The following HEPH variants were observed in gnomAD, a reference collection of about 807,000 sequenced individuals.
HEPH encodes the protein hephaestin.
A neutral mutation model predicts 80.8 loss-of-function variants in HEPH; 69 were observed. The observed-to-expected ratio is 0.85, with a 90% confidence interval of 0.70 to 1.04. The LOEUF is 1.04. HEPH is among the 50% of genes least tolerant of loss of function. The pLI is 0.00. For synonymous variants in HEPH, 431 were observed against 322.8 expected (o/e 1.34, Z -3.60); for missense variants, 1,115 against 891.3 (o/e 1.25, Z -3.20).
chrX:66,169,102 T>C (rs929304868), intron 1 of HEPH, among the ~76,000 whole-genome samples: 7 of 111,363 alleles, frequency 6.3e-5, no homozygotes, highest in Non-Finnish European at 9.4e-5. Flanking sequence ...TACCGATTTT[T>C]ATCTAGATGG....
At chrX:66,224,143 T>A (rs1030320504) in intron 15 of HEPH, among the ~76,000 whole-genome samples, 57 of 109,741 alleles carry the variant, frequency 5.2e-4, no homozygotes, top group African/African-American at 1.9e-3. Flanking sequence ...TTCTTTTATG[T>A]CTGTGGACTA....
intron 15 of HEPH, among the ~76,000 whole-genome samples, chrX:66,224,957 T>C (rs777707613): frequency 6.4e-5 from 7 of 109,596 alleles, no homozygotes; most frequent in Non-Finnish European, 1.1e-4. Context: ...TGATCTTTCC[T>C]TACCTCTGCC....
intron 15 of HEPH, among the ~76,000 whole-genome samples, chrX:66,239,506 T>C (rs1264646527): frequency 8.9e-6 from 1 of 112,222 alleles, no homozygotes; most frequent in Non-Finnish European, 1.9e-5. Context: ...TTCTTGTTCA[T>C]AAATGGAACA....
intron 15 of HEPH, among the ~76,000 whole-genome samples, chrX:66,248,551 G>C (rs918065686): frequency 2.7e-5 from 3 of 112,269 alleles, no homozygotes; most frequent in Non-Finnish European, 5.6e-5. Context: ...GCTTCTTTTA[G>C]TGAAAAGGTG....
chrX:66,256,399 C>A, intron 17 of HEPH, 69 bp downstream of exon 17: 2 of 730,216 alleles, frequency 2.7e-6, no homozygotes, highest in Non-Finnish European at 4.1e-6. Context: ...ATTTAATAGG[C>A]CTATTGCTAC....
At position 66,183,583 on chromosome X, in the gene HEPH, C is replaced by A. The variant is rs1363674600; in HGVS notation, c.626-4776C>A. 7.5e-5 allele frequency among the ~76,000 whole-genome samples: 3 copies of A among 39,925 alleles called. No homozygotes were observed. In the East Asian group the frequency reaches 1.8e-3, roughly 24 times the overall value. 34.7% of individuals were successfully genotyped at this position (39,925 alleles called of 115,157 possible). ...CATTTTTTATTGTGTCTATTTGATTCTTCTCTCTTTTTTTCTTTATTAGTC... is the reference window on the plus strand; with the variant it reads ...CATTTTTTATTGTGTCTATTTGATTATTCTCTCTTTTTTTCTTTATTAGTC... On this transcript the variant is annotated intron_variant, in intron 4 of 20. Coordinates refer to ENST00000343002, the MANE Select transcript of HEPH (RefSeq NM_001367233.3).
intron 4 of HEPH, among the ~76,000 whole-genome samples, chrX:66,181,920 C>G (rs1324659199): frequency 5.5e-5 from 6 of 109,622 alleles, no homozygotes; most frequent in African/African-American, 1.7e-4. Flanking sequence ...CTACATATGG[C>G]TAGCCAGTTT....
rs1036708665 is a variant in HEPH, at chrX:66,227,909, AT to A, written c.2563+19671del. ...TTTTTGGTTCCATATGAATTTTAGGATTTTTTTTCTAGTTCTATGAAGAATA... is the reference window on the plus strand; with the variant it reads ...TTTTTGGTTCCATATGAATTTTAGGATTTTTTTCTAGTTCTATGAAGAATA... On this transcript the variant is annotated intron_variant, in intron 15 of 20. Coordinates refer to ENST00000343002, the MANE Select transcript of HEPH (RefSeq NM_001367233.3). Among the ~76,000 whole-genome samples, 36 of 110,276 alleles carry A rather than the reference AT, an allele frequency of 3.3e-4. 1 individual carries two copies. In the South Asian group the frequency reaches 3.5e-3, roughly 11 times the overall value.
At chrX:66,208,365 TC>T in intron 15 of HEPH, 119 bp downstream of exon 15, 1 of 737,782 alleles carries the variant, frequency 1.4e-6, no homozygotes, top group Non-Finnish European at 1.9e-6. Context: ...ATTCCTGTAA[TC>T]CCAGCAGTTT....
At chrX:66,200,817 A>C (rs1280707077) in intron 12 of HEPH, 65 bp downstream of exon 12, 2 of 884,609 alleles carry the variant, frequency 2.3e-6, no homozygotes, top group Non-Finnish European at 3.2e-6. Flanking sequence ...GGGGTCGGGA[A>C]GAGGGAGGGA....
At chrX:66,247,801 G>GT (rs1178985723) in intron 15 of HEPH, among the ~76,000 whole-genome samples, 5 of 111,531 alleles carry the variant, frequency 4.5e-5, no homozygotes, top group Non-Finnish European at 9.4e-5. Flanking sequence ...ACTAAGGAAG[G>GT]TTTTTTAAAT....
intron 20 of HEPH, among the ~76,000 whole-genome samples, chrX:66,264,893 C>T (rs1348538867): frequency 2.9e-5 from 3 of 104,393 alleles, no homozygotes; most frequent in Non-Finnish European, 5.9e-5. Flanking sequence ...TTCACACATA[C>T]TTTGTGTGTA....
chrX:66,216,195 A>T (rs1222005985), intron 15 of HEPH, among the ~76,000 whole-genome samples: 1 of 111,174 alleles, frequency 9.0e-6, no homozygotes, highest in Non-Finnish European at 1.9e-5. Context: ...TCCAAAGGCG[A>T]CCCTATGAGA....
chrX:66,179,210 C>T lies in HEPH; in HGVS notation c.625+5409C>T, dbSNP rs759239655. Among the ~76,000 whole-genome samples the T allele has an allele frequency of 7.7e-4, 86 of 112,041 alleles. 2 individuals carry two copies. The highest frequency in any genetic ancestry group is 2.6e-3 in the African/African-American group (80 of 30,843). On this transcript the variant is annotated intron_variant, in intron 4 of 20. Transcript: ENST00000343002. ...CCATTTATTAAACAGGGAATCCTTTCGCCATTTCTTGTTTTTGTCAGGTTT... is the reference window on the plus strand; with the variant it reads ...CCATTTATTAAACAGGGAATCCTTTTGCCATTTCTTGTTTTTGTCAGGTTT...
chrX:66,249,444 G>A (rs762287485), intron 15 of HEPH, among the ~76,000 whole-genome samples: 14 of 111,756 alleles, frequency 1.3e-4, no homozygotes, highest in African/African-American at 2.9e-4. Context: ...GTTGTTGAGA[G>A]TGAGAAGGTA....
chrX:66,265,008 T>C (rs1396156638), intron 20 of HEPH, among the ~76,000 whole-genome samples: 1 of 110,078 alleles, frequency 9.1e-6, no homozygotes, highest in African/African-American at 3.3e-5. Context: ...TTGAAACTGT[T>C]GTTCTAATAA....
chrX:66,200,846 A>G, intron 12 of HEPH, 94 bp downstream of exon 12: 1 of 642,702 alleles, frequency 1.6e-6, no homozygotes, highest in South Asian at 2.9e-5. Flanking sequence ...AGAAAATAAT[A>G]GGCATGTTAA....
At chrX:66,202,186 G>A (rs763307072) in intron 12 of HEPH, among the ~76,000 whole-genome samples, 5 of 111,364 alleles carry the variant, frequency 4.5e-5, no homozygotes, top group Non-Finnish European at 9.4e-5. Context: ...GGGGTGGGCA[G>A]GTAAGTTCCA....
downstream of HEPH, chrX:66,268,842 C>T (rs368562753): frequency 8.9e-6 from 1 of 111,755 alleles, no homozygotes; most frequent in African/African-American, 3.3e-5. Context: ...GTTGCTCAAG[C>T]TGGAAATTAT....
Sources: gnomAD v4.1 joint callset for allele counts (sites outside exome capture counted in the v4.1 genomes callset) on GRCh38, gnomAD v4.1.1 for gene constraint, MANE v1.5 for transcripts, NCBI Gene and HGNC (gene_info 2026-07-23, HGNC 2026-07-21) for gene names.